KATNBL1: variants seen among roughly 807,000 people sequenced by gnomAD.
The protein encoded by KATNBL1 is katanin regulatory subunit B1 like 1, also known as KATNB1-like protein 1.
Under a neutral mutation model 44.7 loss-of-function variants are expected in KATNBL1, and 28 were observed. The ratio of observed to expected loss-of-function variants is 0.63; its 90% CI spans 0.46 to 0.86. KATNBL1 has a LOEUF of 0.86. Among genes scored for constraint, KATNBL1 ranks in the 40% least tolerant of loss-of-function variants. KATNBL1 has a pLI of 0.00. For missense variants in KATNBL1, 272 were observed against 350.7 expected, an observed-to-expected ratio of 0.78 and a Z score of 1.79; for synonymous variants, 78 against 114.9, an observed-to-expected ratio of 0.68 and a Z score of 2.06.
Position 34,141,607 on chromosome 15 carries a change from T to C in KATNBL1, c.*732A>G, listed in dbSNP as rs919686262. On this transcript the variant is annotated 3_prime_UTR_variant, in exon 10 of 10. Coordinates refer to ENST00000256544, the MANE Select transcript of KATNBL1 (RefSeq NM_024713.3). ...ATGACATGATGATTCTGGCAAAAAATATCAGAGATACTAAAACTATTCTCA... is the reference window on the plus strand; with the variant it reads ...ATGACATGATGATTCTGGCAAAAAACATCAGAGATACTAAAACTATTCTCA... The C allele has an allele frequency of 5.9e-5, 9 of 152,516 alleles. No homozygotes were observed. Among genetic ancestry groups the C allele is most frequent in the African/African-American group, 2.2e-4 (9 of 41,426 alleles). 9.4% of individuals were successfully genotyped at this position (152,516 alleles called of 1,614,324 possible). A position where few individuals can be genotyped will look rare whatever the true frequency, so the allele number is the denominator to read the frequency against.
intron 1 of KATNBL1, among the ~76,000 whole-genome samples, chr15:34,192,572 G>T (rs1489311047): frequency 6.6e-6 from 1 of 152,126 alleles, no homozygotes; most frequent in Non-Finnish European, 1.5e-5. Context: ...GAGGGTGGTG[G>T]TCTCTTCAAT....
chr15:34,187,096 T>C (rs1360678454), intron 1 of KATNBL1, among the ~76,000 whole-genome samples: 1 of 152,054 alleles, frequency 6.6e-6, no homozygotes, highest in Non-Finnish European at 1.5e-5. Flanking sequence ...GAGTGGAGTA[T>C]CCTCTCTGCT....
chr15:34,164,231 T>C (rs1475185374), intron 1 of KATNBL1, among the ~76,000 whole-genome samples: 4 of 152,208 alleles, frequency 2.6e-5, no homozygotes, highest in East Asian at 1.9e-4. Flanking sequence ...GACAATAATA[T>C]TGTATGTATT....
At chr15:34,150,556 T>C (rs1318244814) in intron 4 of KATNBL1, among the ~76,000 whole-genome samples, 1 of 152,204 alleles carries the variant, frequency 6.6e-6, no homozygotes, top group Non-Finnish European at 1.5e-5. Flanking sequence ...ATTGCACCAC[T>C]GCACCCCAGC....
chr15:34,172,690 G>A (rs531914032), intron 1 of KATNBL1, among the ~76,000 whole-genome samples: 2 of 151,818 alleles, frequency 1.3e-5, no homozygotes, highest in Non-Finnish European at 2.9e-5. Flanking sequence ...GAGTACAGAG[G>A]ATACTTTCTT....
At chr15:34,192,459 G>C (rs767659901) in intron 1 of KATNBL1, among the ~76,000 whole-genome samples, 8 of 151,214 alleles carry the variant, frequency 5.3e-5, no homozygotes, top group Non-Finnish European at 4.4e-5. Flanking sequence ...TAGGATACCA[G>C]ACTATTTCAG....
chr15:34,200,311 G>A (rs760904006), intron 1 of KATNBL1, among the ~76,000 whole-genome samples: 1 of 151,824 alleles, frequency 6.6e-6, no homozygotes, highest in African/African-American at 2.4e-5. Context: ...GGAGTGCAGT[G>A]GCGCCATCTC....
chr15:34,165,969 G>C (rs1380329182), intron 1 of KATNBL1: 2 of 152,214 alleles, frequency 1.3e-5, no homozygotes, highest in Non-Finnish European at 2.9e-5. Context: ...TCCATTCCAA[G>C]ATGGCCATTA....
rs1029699288 is a variant in KATNBL1, at chr15:34,158,453, G to T, written c.118-3769C>A. On this transcript the variant is annotated intron_variant, in intron 2 of 9. Transcript: ENST00000256544. ...TTTCAGAGGAAATGGCAGCTTGTTT[G>T]GCTATTTGATCTGCAAGGTTGTTCC... Among the ~76,000 whole-genome samples the T allele has an allele frequency of 5.3e-5, 8 of 152,332 alleles. No individual in the cohort carries two copies. In the East Asian group the frequency reaches 7.7e-4, roughly 15 times the overall value.
chr15:34,206,086 G>A (rs1386833573), intron 1 of KATNBL1, among the ~76,000 whole-genome samples: 1 of 152,146 alleles, frequency 6.6e-6, no homozygotes, highest in Non-Finnish European at 1.5e-5. Context: ...TAAATCACTT[G>A]CCCAAAAACC....
In KATNBL1 at chr15:34,188,137, TAAAAAAAAAA is replaced by T. The variant is rs1201268078; in HGVS notation, c.-15+21804_-15+21813del. On this transcript the variant is annotated intron_variant, in intron 1 of 9. Transcript: ENST00000256544. ...CTGGGTGACAGAGGAAGACGCCATG[TAAAAAAAAAA>T]AAAAAAAAAAAAAAAAAAGAAAATT... 5.4e-3 allele frequency among the ~76,000 whole-genome samples: 120 copies of T among 22,120 alleles called. 3 individuals carry two copies. The highest frequency in any genetic ancestry group is 0.015 in the African/African-American group (99 of 6,650). The allele number at this position is 22,120 out of a possible 152,430, so 14.5% of individuals were successfully genotyped here.
intron 1 of KATNBL1, among the ~76,000 whole-genome samples, chr15:34,194,329 C>G (rs1044971563): frequency 6.6e-6 from 1 of 151,922 alleles, no homozygotes; most frequent in Non-Finnish European, 1.5e-5. Flanking sequence ...TGATTTAGGG[C>G]CAGGTGCAGT....
intron 1 of KATNBL1, among the ~76,000 whole-genome samples, chr15:34,172,418 G>A (rs144268400): frequency 1.3e-5 from 2 of 151,878 alleles, no homozygotes; most frequent in African/African-American, 2.4e-5. Flanking sequence ...CACCATGCCT[G>A]GCTAATTTCT....
chr15:34,163,537 T>C, intron 2 of KATNBL1, 23 bp downstream of exon 2: 4 of 1,578,144 alleles, frequency 2.5e-6, no homozygotes, highest in Non-Finnish European at 3.4e-6. Context: ...GTCTTATCTG[T>C]TTTCTAGAAA....
At chr15:34,173,355 C>T (rs1381966330) in intron 1 of KATNBL1, among the ~76,000 whole-genome samples, 2 of 151,988 alleles carry the variant, frequency 1.3e-5, no homozygotes, top group African/African-American at 4.8e-5. Flanking sequence ...AATATACAAA[C>T]AAATAAAAAA....
chr15:34,191,154 CATATAT>C (rs57428240), intron 1 of KATNBL1, among the ~76,000 whole-genome samples: 61,238 of 135,674 alleles, frequency 0.45, 14,525 homozygotes, highest in East Asian at 0.57. Flanking sequence ...AATCATAGAC[CATATAT>C]ATATATATAT....
At chr15:34,178,164 T>C (rs966447534) in intron 1 of KATNBL1, among the ~76,000 whole-genome samples, 12 of 152,206 alleles carry the variant, frequency 7.9e-5, no homozygotes, top group Admixed American at 4.6e-4. Context: ...TTTTCGTTAA[T>C]TGAATTCAAT....
chr15:34,195,690 C>CAAAAAAAAAAAAAAAAAAAAA (rs5811824), intron 1 of KATNBL1, among the ~76,000 whole-genome samples: 3 of 111,414 alleles, frequency 2.7e-5, no homozygotes, highest in African/African-American at 1.1e-4. Context: ...GACGCCATCT[C>CAAAAAAAAAAAAAAAAAAAAA]AAAAAAAAAA....
At position 34,209,950 on chromosome 15, in the gene KATNBL1, C is replaced by CCGGCGCCTCATGGTACCG. The variant is rs1184013037; in HGVS notation, c.-32_-15dup. 2.6e-5 allele frequency: 4 copies of CCGGCGCCTCATGGTACCG among 151,846 alleles called. No individual in the cohort carries two copies. Among genetic ancestry groups the CCGGCGCCTCATGGTACCG allele is most frequent in the African/African-American group, 4.8e-5 (2 of 41,412 alleles). 9.4% of individuals were successfully genotyped at this position (151,846 alleles called of 1,614,324 possible). A position where few individuals can be genotyped will look rare whatever the true frequency, so the allele number is the denominator to read the frequency against. ...CTCGCACCGGCTCGGCAGTCACTTA[C>CCGGCGCCTCATGGTACCG]CGGCGCCTCATGGTACCGCGGCGCC... On this transcript the variant is annotated splice_region_variant and 5_prime_UTR_variant. Transcript: ENST00000256544.
Sources: gnomAD v4.1 joint callset for allele counts (sites outside exome capture counted in the v4.1 genomes callset) on GRCh38, gnomAD v4.1.1 for gene constraint, MANE v1.5 for transcripts, NCBI Gene and HGNC (gene_info 2026-07-23, HGNC 2026-07-21) for gene names.